CNDP2: variants seen among roughly 807,000 people sequenced by gnomAD.
The protein encoded by CNDP2 is cytosolic non-specific dipeptidase.
A neutral mutation model predicts 55.0 loss-of-function variants in CNDP2; 38 were observed. The observed-to-expected ratio is 0.69, with a 90% CI of 0.53 to 0.90. The LOEUF is 0.90. CNDP2 is among the 40% of genes least tolerant of loss of function. The pLI, the probability that CNDP2 is intolerant of heterozygous loss-of-function variation, is 0.00. For synonymous variants in CNDP2, 241 were observed against 260.2 expected, an observed-to-expected ratio of 0.93 and a Z score of 0.71; for missense variants, 607 against 621.7, an observed-to-expected ratio of 0.98 and a Z score of 0.25.
chr18:74,504,949 C>T (rs1440178038), intron 3 of CNDP2: 1 of 152,180 alleles, frequency 6.6e-6, no homozygotes, highest in African/African-American at 2.4e-5. Context: ...ATTGATTTGC[C>T]TCCATTTAGA....
intron 9 of CNDP2, 194 bp from the exon 10 acceptor site, chr18:74,518,305 T>G: frequency 1.9e-6 from 1 of 532,232 alleles, no homozygotes; most frequent in South Asian, 2.9e-5. Context: ...CTTTCCTTAC[T>G]CTAGTTATGT....
At chr18:74,502,185 G>A (rs1476358067) in intron 3 of CNDP2, among the ~76,000 whole-genome samples, 1 of 152,168 alleles carries the variant, frequency 6.6e-6, no homozygotes, top group African/African-American at 2.4e-5. Context: ...TTTTTCATAA[G>A]AGATATTTTG....
At chr18:74,506,522 G>A (rs1364485320) in intron 4 of CNDP2, among the ~76,000 whole-genome samples, 1 of 152,194 alleles carries the variant, frequency 6.6e-6, no homozygotes, top group East Asian at 1.9e-4. Flanking sequence ...CTTTTCCTGT[G>A]CAAATGAGCC....
rs144302286 is a variant in CNDP2 at position 74,513,667 on chromosome 18, T to C, written c.851T>C (p.Ile284Thr). Residue 284 changes from isoleucine (I) to threonine (T), a missense_variant, in exon 8 of 12, where the codon ATA (isoleucine) becomes ACA (threonine). By Grantham distance (89) the Ile-to-Thr change is moderately conservative. Transcript: ENST00000324262. The stretch of plus-strand genomic sequence containing the variant: ...CTGTACGACGACATCGACTTTGACA[T>C]AGAGGAGTTTGCCAAGGATGTGGGG... ...HKLYDDIDFD[I>T]EEFAKDVGAQ... The C allele has an allele frequency of 1.9e-6, 3 of 1,613,924 alleles. No individual in the cohort carries two copies. Among genetic ancestry groups the C allele is most frequent in the African/African-American group, 2.7e-5 (2 of 74,898 alleles).
chr18:74,504,418 G>T (rs1205218512), intron 3 of CNDP2, among the ~76,000 whole-genome samples: 2 of 152,224 alleles, frequency 1.3e-5, no homozygotes, highest in African/African-American at 4.8e-5. Context: ...GGTTGCAGGG[G>T]TTACTTAAAT....
Position 74,518,689 on chromosome 18 carries a change from C to T in CNDP2, c.1210+49C>T, listed in dbSNP as rs1165964760. 4 of 1,610,926 alleles carry T rather than the reference C, an allele frequency of 2.5e-6. No homozygotes were observed. The Admixed American group carries it at 6.7e-5, about 27-fold the overall frequency. On this transcript the variant is annotated intron_variant, in intron 10 of 11. Transcript: ENST00000324262. The stretch of plus-strand genomic sequence containing the variant: ...ATGCCGCGCAGGGCCCTTCGCACGT[C>T]TGACAGGACTCTGCTATATCGCGTG...
chr18:74,520,002 T>C lies in CNDP2; in HGVS notation c.1362T>C (p.Tyr454=), dbSNP rs771227586. Residue 454 remains tyrosine, a synonymous_variant, in exon 12 of 12, where the codon TAT becomes TAC. Coordinates refer to ENST00000324262, the MANE Select transcript of CNDP2 (RefSeq NM_018235.3). ...ATGATGTGTTCCTCTCTACCAGGTA[T>C]AACTACATAGAGGGAACCAAGATGC... ...AHSQNEKLNR[Y]NYIEGTKMLA... 1.9e-6 allele frequency: 3 copies of C among 1,613,890 alleles called. No individual in the cohort carries two copies. The highest frequency in any genetic ancestry group is 1.1e-5 in the South Asian group (1 of 90,996).
At chr18:74,513,948 G>A (rs1002136423) in intron 8 of CNDP2, 14 of 471,146 alleles carry the variant, frequency 3.0e-5, no homozygotes, top group Non-Finnish European at 3.4e-5. Context: ...AGCATGCAGA[G>A]GGGACATGGG....
intron 8 of CNDP2, among the ~76,000 whole-genome samples, chr18:74,515,826 G>A (rs1979632637): frequency 6.6e-6 from 1 of 152,180 alleles, no homozygotes; most frequent in South Asian, 2.1e-4. Flanking sequence ...CCTGGGAGAG[G>A]CCTGCACACA....
intron 4 of CNDP2, 40 bp downstream of exon 4, chr18:74,506,051 C>T: frequency 6.6e-7 from 1 of 1,509,956 alleles, no homozygotes; most frequent in Non-Finnish European, 8.8e-7. Flanking sequence ...AGGAAAGGCA[C>T]TGACTTTTGG....
chr18:74,510,496 A>G (rs1010477528), intron 5 of CNDP2, among the ~76,000 whole-genome samples: 1 of 152,186 alleles, frequency 6.6e-6, no homozygotes, highest in Non-Finnish European at 1.5e-5. Flanking sequence ...CTCCGCTGGT[A>G]TAATCAGGAC....
intron 1 of CNDP2, chr18:74,497,535 G>C (rs772019176): frequency 6.6e-6 from 1 of 152,096 alleles, no homozygotes; most frequent in Non-Finnish European, 1.5e-5. Context: ...GTGTAACCTC[G>C]GCACTTTGGG....
intron 5 of CNDP2, 121 bp from the exon 6 acceptor site, chr18:74,510,692 C>A: frequency 1.2e-6 from 1 of 829,854 alleles, no homozygotes; most frequent in Non-Finnish European, 1.9e-6. Flanking sequence ...CAGGTGCACA[C>A]GGAGGCCCAT....
intron 8 of CNDP2, chr18:74,513,955 T>C: frequency 2.2e-6 from 1 of 459,716 alleles, no homozygotes; most frequent in Admixed American, 4.1e-5. Context: ...AGAGGGGACA[T>C]GGGCTGGCTC....
chr18:74,504,267 G>A (rs1166825441), intron 3 of CNDP2, among the ~76,000 whole-genome samples: 7 of 147,600 alleles, frequency 4.7e-5, no homozygotes, highest in Non-Finnish European at 8.9e-5. Flanking sequence ...AATGATGGGC[G>A]TCAGGCCATA....
At chr18:74,509,060 C>T in intron 5 of CNDP2, 132 bp downstream of exon 5, 6 of 684,872 alleles carry the variant, frequency 8.8e-6, no homozygotes, top group African/African-American at 1.8e-5. Flanking sequence ...CAGCCCTTAT[C>T]AGCACAGATG....
chr18:74,518,808 CT>C (rs1979875102), intron 10 of CNDP2, 140 bp from the exon 11 acceptor site: 12 of 1,439,858 alleles, frequency 8.3e-6, no homozygotes. Flanking sequence ...GCCTGGACCC[CT>C]GGCGGACCTT....
intron 4 of CNDP2, chr18:74,508,142 G>A (rs1242574197): frequency 1.3e-5 from 2 of 152,364 alleles, no homozygotes; most frequent in Admixed American, 1.3e-4. Context: ...CCTTGAGGAC[G>A]GCTCCCTCCT....
chr18:74,519,231 G>A, intron 11 of CNDP2, 135 bp downstream of exon 11: 5 of 1,179,984 alleles, frequency 4.2e-6, no homozygotes, highest in South Asian at 1.7e-5. Flanking sequence ...TCCTGTATTT[G>A]TGTGAAGTGG....
Sources: gnomAD v4.1 joint callset for allele counts (sites outside exome capture counted in the v4.1 genomes callset) on GRCh38, gnomAD v4.1.1 for gene constraint, MANE v1.5 for transcripts, NCBI Gene and HGNC (gene_info 2026-07-23, HGNC 2026-07-21) for gene names.